Variants in CHRM5 observed in about 807,000 individuals in gnomAD.
CHRM5 encodes muscarinic acetylcholine receptor M5.
CHRM5 carries 18 observed loss-of-function variants against 39.0 expected under a neutral mutation model. The ratio of observed to expected loss-of-function variants is 0.46; its 90% CI spans 0.32 to 0.68. CHRM5 has a LOEUF of 0.68. CHRM5 is among the 30% of genes least tolerant of loss of function. The pLI, the probability that CHRM5 is intolerant of heterozygous loss-of-function variation, is 0.04. For missense variants in CHRM5, 515 were observed against 651.1 expected (o/e 0.79, Z 2.28); for synonymous variants, 241 against 246.3 (o/e 0.98, Z 0.20).
intron 1 of CHRM5, among the ~76,000 whole-genome samples, chr15:33,980,620 T>TACAC (rs1896094971): frequency 3.2e-5 from 1 of 30,810 alleles, no homozygotes; most frequent in Non-Finnish European, 3.4e-4. Context: ...TAGGTAGTCA[T>TACAC]GCACATAAGA....
chr15:33,995,129 T>G lies in CHRM5; in HGVS notation c.-408+25979T>G, dbSNP rs574909707. 1.7e-4 allele frequency among the ~76,000 whole-genome samples: 26 copies of G among 152,092 alleles called. No homozygotes were observed. In the East Asian group the frequency reaches 4.6e-3, roughly 27 times the overall value. Reference sequence around the variant, plus strand: ...AATGAAGAAATCAGCCAGGTGTGGGTGGCACACCTCTATAGTCCCACCTAC... The same window carrying G: ...AATGAAGAAATCAGCCAGGTGTGGGGGGCACACCTCTATAGTCCCACCTAC... On this transcript the variant is annotated intron_variant, in intron 1 of 2. Coordinates refer to ENST00000383263, the MANE Select transcript of CHRM5 (RefSeq NM_012125.4).
chr15:34,038,895 C>T, intron 1 of CHRM5: 5 of 1,132,260 alleles, frequency 4.4e-6, no homozygotes, highest in Non-Finnish European at 5.4e-6. Flanking sequence ...GCCACGGCCC[C>T]GGCGTCCGCC....
intron 2 of CHRM5, among the ~76,000 whole-genome samples, chr15:34,053,319 A>AAAAAAAAATAT (rs775436850): frequency 2.4e-5 from 1 of 42,070 alleles, no homozygotes; most frequent in African/African-American, 8.0e-5. Flanking sequence ...AAAAAAAAAA[A>AAAAAAAAATAT]ATATATATAT....
chr15:34,054,406 T>C (rs1342476028), intron 2 of CHRM5, among the ~76,000 whole-genome samples: 2 of 152,132 alleles, frequency 1.3e-5, no homozygotes, highest in East Asian at 3.9e-4. Flanking sequence ...CTATCCACAA[T>C]AGCAAAGACA....
chr15:33,971,383 T>C (rs939563325), intron 1 of CHRM5, among the ~76,000 whole-genome samples: 1 of 152,070 alleles, frequency 6.6e-6, no homozygotes, highest in African/African-American at 2.4e-5. Context: ...CATATCCTTA[T>C]AATAATACCT....
chr15:34,026,159 T>C (rs751214429), intron 1 of CHRM5, among the ~76,000 whole-genome samples: 109 of 152,330 alleles, frequency 7.2e-4, no homozygotes, highest in Non-Finnish European at 1.2e-3. Flanking sequence ...TGCATACATA[T>C]ACCTTATAAT....
chr15:33,984,084 T>A (rs556535474), intron 1 of CHRM5, among the ~76,000 whole-genome samples: 1 of 151,996 alleles, frequency 6.6e-6, no homozygotes, highest in Non-Finnish European at 1.5e-5. Flanking sequence ...GTATCCTGAG[T>A]TAGAAGAGAA....
chr15:33,987,062 C>T (rs969603436), intron 1 of CHRM5, among the ~76,000 whole-genome samples: 1 of 152,204 alleles, frequency 6.6e-6, no homozygotes. Flanking sequence ...ATCCTCACCA[C>T]TCAATGCCTC....
At chr15:34,045,848 T>G (rs746469184) in intron 1 of CHRM5, among the ~76,000 whole-genome samples, 1 of 152,234 alleles carries the variant, frequency 6.6e-6, no homozygotes, top group African/African-American at 2.4e-5. Flanking sequence ...GCTTCATTTG[T>G]AATGTATTGA....
chr15:34,022,676 T>A (rs1898255567), intron 1 of CHRM5, among the ~76,000 whole-genome samples: 1 of 152,242 alleles, frequency 6.6e-6, no homozygotes, highest in African/African-American at 2.4e-5. Flanking sequence ...TGCATAAGTA[T>A]GAGATTATCT....
intron 2 of CHRM5, among the ~76,000 whole-genome samples, chr15:34,060,825 G>T (rs1245600038): frequency 6.6e-6 from 1 of 152,058 alleles, no homozygotes; most frequent in Non-Finnish European, 1.5e-5. Context: ...AGCCGAGATG[G>T]TGCCACTACA....
At chr15:33,986,635 C>T (rs977461879) in intron 1 of CHRM5, among the ~76,000 whole-genome samples, 10 of 111,570 alleles carry the variant, frequency 9.0e-5, no homozygotes, top group African/African-American at 2.8e-4. Context: ...TAGATCATGA[C>T]CATAAGGCTC....
intron 1 of CHRM5, among the ~76,000 whole-genome samples, chr15:34,034,437 TTTC>T (rs1567480231): frequency 1.1e-5 from 1 of 90,082 alleles, no homozygotes; most frequent in Non-Finnish European, 2.7e-5. Context: ...TGAGACCCAG[TTTC>T]TTTTTTAAAA....
Position 34,065,188 on chromosome 15 carries a change from C to G in CHRM5, c.*872C>G, listed in dbSNP as rs776128945. On this transcript the variant is annotated 3_prime_UTR_variant, in exon 3 of 3. Transcript: ENST00000383263. ...GCCCATTTGAACCCATTTATTTATG[C>G]TCTGTTCTTAGGAAGACTAATTGTG... 6.5e-6 allele frequency: 1 copy of G among 153,482 alleles called. No individual in the cohort carries two copies. Among genetic ancestry groups the G allele is most frequent in the East Asian group, 1.9e-4 (1 of 5,188 alleles). 9.5% of individuals were successfully genotyped at this position (153,482 alleles called of 1,614,324 possible). A position where few individuals can be genotyped will look rare whatever the true frequency, so the allele number is the denominator to read the frequency against.
At chr15:34,058,284 A>G (rs547824) in intron 2 of CHRM5, among the ~76,000 whole-genome samples, 151,045 of 152,226 alleles carry the variant, frequency 0.99, 74,947 homozygotes, top group Middle Eastern at 1. Flanking sequence ...CTGTAGCCTA[A>G]CCAAGTGGAC....
intron 1 of CHRM5, among the ~76,000 whole-genome samples, chr15:34,005,487 A>G (rs1897303987): frequency 6.6e-6 from 1 of 152,212 alleles, no homozygotes; most frequent in Non-Finnish European, 1.5e-5. Context: ...TAAGTGCTCA[A>G]TGGAGTCAAG....
chr15:34,005,137 A>T (rs143092542), intron 1 of CHRM5, among the ~76,000 whole-genome samples: 104 of 152,264 alleles, frequency 6.8e-4, no homozygotes, highest in African/African-American at 1.7e-3. Flanking sequence ...TTTTCTATGT[A>T]TATATTTATA....
At chr15:34,015,035 A>AG (rs1897821602) in intron 1 of CHRM5, among the ~76,000 whole-genome samples, 1 of 152,158 alleles carries the variant, frequency 6.6e-6, no homozygotes, top group African/African-American at 2.4e-5. Context: ...AGAGTCCTGA[A>AG]GCCTGAAAAG....
Position 34,064,675 on chromosome 15 carries a change from C to T in CHRM5, c.*359C>T, listed in dbSNP as rs1252239117. ...GAAACAGCAGAGACCAGGTGGAAACCTTTTCCTGTGGAAACCTGTCATAGA... is the reference window on the plus strand; with the variant it reads ...GAAACAGCAGAGACCAGGTGGAAACTTTTTCCTGTGGAAACCTGTCATAGA... On this transcript the variant is annotated 3_prime_UTR_variant, in exon 3 of 3. Transcript: ENST00000383263. 4.1e-6 allele frequency: 1 copy of T among 243,358 alleles called. No homozygotes were observed. The highest frequency in any genetic ancestry group is 8.6e-6 in the Non-Finnish European group (1 of 116,632). 15.1% of individuals were successfully genotyped at this position (243,358 alleles called of 1,614,324 possible).
Sources: allele counts gnomAD v4.1 joint callset (sites outside exome capture counted in the v4.1 genomes callset), GRCh38; gene constraint gnomAD v4.1.1; transcripts MANE v1.5; gene names NCBI Gene and HGNC (gene_info 2026-07-23, HGNC 2026-07-21).